DAPK2: variants seen among roughly 807,000 people sequenced by gnomAD.
DAPK2 encodes the protein death-associated protein kinase 2.
DAPK2 carries 35 observed loss-of-function variants against 44.1 expected under a neutral mutation model. The ratio of observed to expected loss-of-function variants is 0.79; its 90% CI spans 0.61 to 1.05. The LOEUF (loss-of-function observed/expected upper bound fraction) is 1.05, where lower values mean the gene tolerates loss of function less well. Ranked by LOEUF, DAPK2 falls within the 50% of genes least tolerant of loss-of-function variation. DAPK2 has a pLI of 0.00. For synonymous variants in DAPK2, 174 were observed against 182.6 expected (o/e 0.95, Z 0.38); for missense variants, 453 against 483.2 (o/e 0.94, Z 0.59).
Position 63,939,463 on chromosome 15 carries a change from G to C in DAPK2, c.454-102C>G, listed in dbSNP as rs1032633268. On this transcript the variant is annotated intron_variant, in intron 3 of 10. Transcript: ENST00000261891. The surrounding 1 kb of genome is among the most constrained non-coding windows in gnomAD (Gnocchi z 4.3). ...TTCGTGTTTTGGCTTTGGGGTTTGG[G>C]GTGGGACTTGGTGTTCTTTTTAGGA... is the stretch of plus-strand genomic sequence containing the variant. 6 of 1,092,238 alleles carry C rather than the reference G, an allele frequency of 5.5e-6. No individual in the cohort carries two copies. The highest frequency in any genetic ancestry group is 7.8e-6 in the Non-Finnish European group (6 of 773,836). The allele number at this position is 1,092,238 out of a possible 1,614,324, so 67.7% of individuals were successfully genotyped here.
intron 1 of DAPK2, among the ~76,000 whole-genome samples, chr15:63,986,937 T>C (rs2078683315): frequency 1.3e-5 from 2 of 152,208 alleles, no homozygotes; most frequent in Middle Eastern, 3.2e-3. Context: ...GTTCCTCATT[T>C]TCAGTATTAC....
chr15:63,977,461 G>C (rs565934985), intron 2 of DAPK2, among the ~76,000 whole-genome samples: 1 of 152,330 alleles, frequency 6.6e-6, no homozygotes, highest in African/African-American at 2.4e-5. Context: ...CTTCACCTTG[G>C]GGTGGGACAT....
At chr15:64,000,180 TACTACTACACAC>T (rs1220799159) in intron 1 of DAPK2, among the ~76,000 whole-genome samples, 40 of 121,600 alleles carry the variant, frequency 3.3e-4, no homozygotes, top group African/African-American at 1.2e-3. Flanking sequence ...CTACTACTAC[TACTACTACACAC>T]ACACACACAC....
chr15:63,975,103 T>C (rs912021640), intron 2 of DAPK2, among the ~76,000 whole-genome samples: 2 of 152,098 alleles, frequency 1.3e-5, no homozygotes, highest in Admixed American at 6.5e-5. Flanking sequence ...TAATTTTTGG[T>C]TTACAATCCT....
intron 3 of DAPK2, among the ~76,000 whole-genome samples, chr15:63,959,390 T>C (rs1045936378): frequency 2.2e-4 from 33 of 152,246 alleles, no homozygotes; most frequent in Non-Finnish European, 1.2e-4. Flanking sequence ...TCCAACACTA[T>C]GTTGAATAGG....
At chr15:63,967,356 C>A (rs1002271623) in intron 3 of DAPK2, among the ~76,000 whole-genome samples, 2 of 152,092 alleles carry the variant, frequency 1.3e-5, no homozygotes, top group African/African-American at 2.4e-5. Context: ...CTTGCTCTGT[C>A]TCCTGTTTTT....
intron 1 of DAPK2, among the ~76,000 whole-genome samples, chr15:64,019,894 ATCCTC>A (rs2079635890): frequency 2.0e-5 from 3 of 152,332 alleles, no homozygotes; most frequent in Admixed American, 1.3e-4. Flanking sequence ...GTGAACTTCT[ATCCTC>A]TGAGTGAGTT....
At chr15:63,998,897 G>A (rs183717669) in intron 1 of DAPK2, among the ~76,000 whole-genome samples, 1 of 152,330 alleles carries the variant, frequency 6.6e-6, no homozygotes, top group Admixed American at 6.5e-5. Flanking sequence ...ACAAGATGCA[G>A]TGCCCATCCA....
At chr15:63,981,450 C>T (rs2078509646) in intron 2 of DAPK2, among the ~76,000 whole-genome samples, 1 of 151,996 alleles carries the variant, frequency 6.6e-6, no homozygotes, top group Admixed American at 6.5e-5. Context: ...TACTGGTATG[C>T]AATTCAGTGA....
At chr15:64,022,837 A>T (rs2079729479) in intron 1 of DAPK2, among the ~76,000 whole-genome samples, 1 of 152,150 alleles carries the variant, frequency 6.6e-6, no homozygotes, top group Non-Finnish European at 1.5e-5. Context: ...GTGTGTGTGT[A>T]TTCTAGCTCA....
chr15:64,030,354 A>C (rs1016321084), intron 1 of DAPK2, among the ~76,000 whole-genome samples: 1 of 152,082 alleles, frequency 6.6e-6, no homozygotes, highest in African/African-American at 2.4e-5. Flanking sequence ...TGTAAATATG[A>C]TACCCTTGCA....
intron 1 of DAPK2, among the ~76,000 whole-genome samples, chr15:63,999,394 G>C (rs2079027861): frequency 6.6e-6 from 1 of 152,050 alleles, no homozygotes; most frequent in Non-Finnish European, 1.5e-5. Context: ...TCAAACCACA[G>C]GGGAGAGGAA....
chr15:63,976,089 T>C (rs948231415), intron 2 of DAPK2, among the ~76,000 whole-genome samples: 2 of 152,168 alleles, frequency 1.3e-5, no homozygotes, highest in African/African-American at 4.8e-5. Flanking sequence ...AATAGTGACA[T>C]AGAAAGTACA....
intron 1 of DAPK2, among the ~76,000 whole-genome samples, chr15:64,008,208 A>ATC (rs5813273): frequency 0.63 from 95,693 of 151,934 alleles, 31,710 homozygotes; most frequent in East Asian, 0.99. Flanking sequence ...TATAAATTAT[A>ATC]TCTGTTTTTT....
chr15:64,019,757 C>T (rs1161469204), intron 1 of DAPK2, among the ~76,000 whole-genome samples: 1 of 152,152 alleles, frequency 6.6e-6, no homozygotes, highest in Non-Finnish European at 1.5e-5. Context: ...ACAGTGCAGA[C>T]AGGAAAGCAG....
exon 2 of DAPK2, chr15:63,983,643 C>G (rs765120420): frequency 1.2e-6 from 2 of 1,614,160 alleles, no homozygotes; most frequent in Non-Finnish European, 1.7e-6. Flanking sequence ...CGATCTCCTC[C>G]CGGCTCACAC....
chr15:64,026,153 C>T (rs974970637), intron 1 of DAPK2, among the ~76,000 whole-genome samples: 3 of 152,222 alleles, frequency 2.0e-5, no homozygotes, highest in African/African-American at 7.2e-5. Context: ...GCCCTGGAAG[C>T]TGCCGGGGTC....
At chr15:63,953,472 T>C (rs1476275955) in intron 3 of DAPK2, among the ~76,000 whole-genome samples, 1 of 152,240 alleles carries the variant, frequency 6.6e-6, no homozygotes, top group Non-Finnish European at 1.5e-5. Flanking sequence ...TATGGCTCAA[T>C]AGTACTTATT....
intron 8 of DAPK2, chr15:63,920,360 T>C (rs2079038416): frequency 6.6e-6 from 1 of 152,158 alleles, no homozygotes; most frequent in Non-Finnish European, 1.5e-5. Context: ...ATGCATGGGT[T>C]TCCTTGCTCC....
Sources: allele counts gnomAD v4.1 joint callset (sites outside exome capture counted in the v4.1 genomes callset), GRCh38; gene constraint gnomAD v4.1.1; non-coding constraint Gnocchi (gnomAD v3.1); transcripts MANE v1.5; gene names NCBI Gene and HGNC (gene_info 2026-07-23, HGNC 2026-07-21).